ERGIC1: variants seen among roughly 807,000 people sequenced by gnomAD.
The protein encoded by ERGIC1 is endoplasmic reticulum-golgi intermediate compartment 1, also known as endoplasmic reticulum-Golgi intermediate compartment protein 1.
A neutral mutation model predicts 38.3 loss-of-function variants in ERGIC1; 19 were observed. The observed-to-expected ratio is 0.50, with a 90% confidence interval of 0.35 to 0.73. The LOEUF (loss-of-function observed/expected upper bound fraction) is 0.73, where lower values mean the gene tolerates loss of function less well. Ranked by LOEUF, ERGIC1 falls within the 30% of genes least tolerant of loss-of-function variation. The probability of loss-of-function intolerance (pLI) is 0.01; values close to 1 mark genes in which losing one functional copy is unlikely to be tolerated. For synonymous variants in ERGIC1, 124 were observed against 157.6 expected, an observed-to-expected ratio of 0.79 and a Z score of 1.60; for missense variants, 294 against 389.2, an observed-to-expected ratio of 0.76 and a Z score of 2.06.
At chr5:172,949,699 G>A (rs1483639712) in intron 9 of ERGIC1, among the ~76,000 whole-genome samples, 2 of 151,864 alleles carry the variant, frequency 1.3e-5, no homozygotes, top group Non-Finnish European at 2.9e-5. Flanking sequence ...GGCCAGGGAT[G>A]CTAAATCCTT....
intron 2 of ERGIC1, among the ~76,000 whole-genome samples, chr5:172,891,978 C>T (rs1163989608): frequency 6.6e-6 from 1 of 152,010 alleles, no homozygotes; most frequent in African/African-American, 2.4e-5. Flanking sequence ...GTTGGAGATC[C>T]TTGTCCATAT....
intron 3 of ERGIC1, among the ~76,000 whole-genome samples, chr5:172,903,324 G>A (rs1047864721): frequency 4.6e-5 from 7 of 152,276 alleles, no homozygotes; most frequent in Admixed American, 2.0e-4. Flanking sequence ...CCTGGGCCCT[G>A]GTGGGAGGGG....
chr5:172,928,271 C>A (rs1763699632), intron 7 of ERGIC1, among the ~76,000 whole-genome samples: 1 of 152,148 alleles, frequency 6.6e-6, no homozygotes, highest in Non-Finnish European at 1.5e-5. Flanking sequence ...CTATCTCAGG[C>A]TGGCTCAAGT....
intron 1 of ERGIC1, among the ~76,000 whole-genome samples, chr5:172,864,988 G>A (rs146690991): frequency 2.0e-5 from 3 of 151,042 alleles, no homozygotes; most frequent in East Asian, 1.9e-4. Flanking sequence ...CTTGCTCAAC[G>A]CTCTTCCCAG....
intron 5 of ERGIC1, among the ~76,000 whole-genome samples, chr5:172,920,735 G>A (rs1394622370): frequency 2.0e-4 from 30 of 152,146 alleles, no homozygotes; most frequent in Admixed American, 1.7e-3. Context: ...CTTCACTCCC[G>A]GAGCACGCGG....
At chr5:172,938,135 A>G (rs1222857229) in intron 9 of ERGIC1, 1 of 152,238 alleles carries the variant, frequency 6.6e-6, no homozygotes, top group African/African-American at 2.4e-5. Flanking sequence ...AAACCCCAGG[A>G]CCCAAAAAAT....
intron 5 of ERGIC1, chr5:172,916,489 A>C (rs1371367831): frequency 2.0e-5 from 3 of 152,238 alleles, no homozygotes; most frequent in Non-Finnish European, 4.4e-5. Context: ...TGGACTATCC[A>C]ATAGGTTGCC....
intron 1 of ERGIC1, among the ~76,000 whole-genome samples, chr5:172,885,001 A>G (rs572135420): frequency 2.0e-5 from 3 of 151,720 alleles, no homozygotes; most frequent in South Asian, 2.1e-4. Flanking sequence ...ACAATCTCCT[A>G]TCTCTCTCTT....
intron 1 of ERGIC1, among the ~76,000 whole-genome samples, chr5:172,855,919 G>A (rs942058281): frequency 8.5e-5 from 13 of 152,218 alleles, no homozygotes; most frequent in African/African-American, 2.4e-4. Context: ...CTCCTGTGGC[G>A]TCCAGTCTTT....
chr5:172,887,339 T>C (rs909813502), intron 1 of ERGIC1, among the ~76,000 whole-genome samples: 4 of 152,188 alleles, frequency 2.6e-5, no homozygotes, highest in African/African-American at 9.7e-5. Flanking sequence ...GTGGGAGAAC[T>C]GTCTGCTACG....
At chr5:172,915,571 G>C (rs1207518601) in intron 5 of ERGIC1, 3 of 471,082 alleles carry the variant, frequency 6.4e-6, no homozygotes, top group Non-Finnish European at 1.3e-5. Context: ...CCCTTGGGAG[G>C]GCCGAGGCAC....
rs774560942 is a variant in ERGIC1 at position 172,935,243 on chromosome 5, A to T, written c.698A>T (p.Tyr233Phe). Residue 233 changes from tyrosine (Y) to phenylalanine (F), a missense_variant, in exon 9 of 10, where the codon TAC becomes TTC. Physicochemically the swap from Tyr to Phe is conservative, Grantham distance 22 (BLOSUM62 3). Around this residue, in one of 3 missense-constraint regions of ERGIC1, gnomAD observed 109 missense variants for 112.7 expected, o/e 0.97. Transcript: ENST00000393784. ...ATCATCCCTGCAATCTGGTTCCGCTACGACCTCAGCCCCATCACGGTCAAG... is the reference window on the plus strand; with the variant it reads ...ATCATCCCTGCAATCTGGTTCCGCTTCGACCTCAGCCCCATCACGGTCAAG... ...GRIIPAIWFR[Y>F]DLSPITVKYT... The T allele has an allele frequency of 3.1e-6, 5 of 1,613,994 alleles. No homozygotes were observed. The African/African-American group carries it at 6.7e-5, about 22-fold the overall frequency.
At position 172,891,573 on chromosome 5, in the gene ERGIC1, G is replaced by A. The variant is rs1458149219; in HGVS notation, c.82+2813G>A. Among the ~76,000 whole-genome samples, 4 of 151,850 alleles carry A rather than the reference G, an allele frequency of 2.6e-5. No homozygotes were observed. The South Asian group carries it at 6.2e-4, about 24-fold the overall frequency. ...TGTGCCTCAGCCTCCCCGAGTAGCTGGGACTACGGATGCCCACCACCATGC... is the reference window on the plus strand; with the variant it reads ...TGTGCCTCAGCCTCCCCGAGTAGCTAGGACTACGGATGCCCACCACCATGC... On this transcript the variant is annotated intron_variant, in intron 2 of 9. Coordinates refer to ENST00000393784, the MANE Select transcript of ERGIC1 (RefSeq NM_001031711.3).
At chr5:172,856,860 A>C (rs959975152) in intron 1 of ERGIC1, among the ~76,000 whole-genome samples, 1 of 152,088 alleles carries the variant, frequency 6.6e-6, no homozygotes, top group Non-Finnish European at 1.5e-5. Context: ...CAGTATCCCT[A>C]TTTATGAGGT....
intron 5 of ERGIC1, chr5:172,922,594 C>G (rs753065532): frequency 6.6e-6 from 1 of 152,546 alleles, no homozygotes; most frequent in Non-Finnish European, 1.5e-5. Flanking sequence ...GGGGTGCAGG[C>G]ACAAAGGCCT....
At chr5:172,933,412 T>C (rs1197203230) in intron 8 of ERGIC1, 1 of 152,182 alleles carries the variant, frequency 6.6e-6, no homozygotes, top group Non-Finnish European at 1.5e-5. Flanking sequence ...GTTGAGACTG[T>C]TATTGAGCCC....
chr5:172,900,525 G>A (rs751914667), intron 3 of ERGIC1, among the ~76,000 whole-genome samples: 1 of 152,036 alleles, frequency 6.6e-6, no homozygotes, highest in Non-Finnish European at 1.5e-5. Context: ...GGACAACACA[G>A]TGAGATCCTG....
intron 1 of ERGIC1, among the ~76,000 whole-genome samples, chr5:172,853,610 C>G (rs937832014): frequency 2.0e-5 from 3 of 152,206 alleles, no homozygotes; most frequent in South Asian, 2.1e-4. Flanking sequence ...CATCTCCCCC[C>G]GCCCCGGAGG....
chr5:172,912,378 G>T (rs558247162), intron 4 of ERGIC1, among the ~76,000 whole-genome samples: 4 of 152,166 alleles, frequency 2.6e-5, no homozygotes, highest in Admixed American at 2.6e-4. Context: ...CCCCACAGGG[G>T]TGTTTAAATG....
Sources: gnomAD v4.1 joint callset for allele counts (sites outside exome capture counted in the v4.1 genomes callset) on GRCh38, gnomAD v4.1.1 for gene constraint, gnomAD v4.1.1 regional missense constraint, MANE v1.5 for transcripts, NCBI Gene and HGNC (gene_info 2026-07-23, HGNC 2026-07-21) for gene names.